VWA3B: variants seen among roughly 807,000 people sequenced by gnomAD.
The protein encoded by VWA3B is von Willebrand factor A domain containing 3B.
A neutral mutation model predicts 158.3 loss-of-function variants in VWA3B; 138 were observed. The observed-to-expected ratio is 0.87, with a 90% confidence interval of 0.76 to 1.00. The LOEUF (loss-of-function observed/expected upper bound fraction) is 1.00. VWA3B is among the 50% of genes least tolerant of loss of function. The pLI, the probability that VWA3B is intolerant of heterozygous loss-of-function variation, is 0.00. For missense variants in VWA3B, 1,555 were observed against 1,565.1 expected (o/e 0.99, Z 0.11); for synonymous variants, 596 against 587.3 (o/e 1.01, Z -0.21).
rs1320888082 is a variant in VWA3B, at chr2:98,212,047, A to G, written c.1836+19A>G. The stretch of plus-strand genomic sequence containing the variant: ...TGATCAGGTACTTACCAGAGCTGGG[A>G]ACAAAGAGGGCCTCACTGATGCTCT... On this transcript the variant is annotated intron_variant, in intron 13 of 27. Transcript: ENST00000477737. 6.2e-7 allele frequency: 1 copy of G among 1,607,946 alleles called. No individual in the cohort carries two copies. Among genetic ancestry groups the G allele is most frequent in the Non-Finnish European group, 8.5e-7 (1 of 1,174,742 alleles).
intron 21 of VWA3B, among the ~76,000 whole-genome samples, chr2:98,270,308 C>T (rs540192386): frequency 6.6e-6 from 1 of 152,172 alleles, no homozygotes; most frequent in Non-Finnish European, 1.5e-5. Flanking sequence ...GCTAGGCATA[C>T]TTGTGTGAAA....
At chr2:98,320,838 A>G in the VWA3B span, among the ~76,000 whole-genome samples, 1 of 152,188 alleles carries the variant, frequency 6.6e-6, no homozygotes, top group Non-Finnish European at 1.5e-5. Flanking sequence ...CTGGGGAGAA[A>G]TTCCAGCCAA....
chr2:98,326,680 C>T, the VWA3B span, among the ~76,000 whole-genome samples: 1 of 152,152 alleles, frequency 6.6e-6, no homozygotes, highest in African/African-American at 2.4e-5. Flanking sequence ...TCACTTGAGC[C>T]CAGAAGGTCG....
intron 22 of VWA3B, among the ~76,000 whole-genome samples, chr2:98,282,088 C>G (rs1688909544): frequency 6.6e-6 from 1 of 152,174 alleles, no homozygotes; most frequent in African/African-American, 2.4e-5. Context: ...TACGGCACCC[C>G]GAAGTCTTTG....
Position 98,312,410 on chromosome 2 carries a change from G to C in VWA3B, c.*61G>C. The C allele has an allele frequency of 6.5e-7, 1 of 1,539,216 alleles. No individual in the cohort carries two copies. Among genetic ancestry groups the C allele is most frequent in the Non-Finnish European group, 8.7e-7 (1 of 1,144,202 alleles). ...GTCCTTCCAGGCTGTTCAGACCTCA[G>C]CGTTGACACTGAAACTGGCCCCTCC... On this transcript the variant is annotated 3_prime_UTR_variant, in exon 28 of 28. Coordinates refer to ENST00000477737, the MANE Select transcript of VWA3B (RefSeq NM_144992.5).
intron 20 of VWA3B, among the ~76,000 whole-genome samples, chr2:98,254,338 A>G (rs1006438504): frequency 7.2e-5 from 11 of 152,092 alleles, no homozygotes; most frequent in Admixed American, 3.3e-4. Context: ...CCTCCACACT[A>G]CACTGCCTCC....
chr2:98,217,833 C>G lies in VWA3B; in HGVS notation c.1837-13C>G, dbSNP rs370752512. On this transcript the variant is annotated splice_polypyrimidine_tract_variant and intron_variant, in intron 13 of 27. Coordinates refer to ENST00000477737, the MANE Select transcript of VWA3B (RefSeq NM_144992.5). ...CATCTCCCTTCCCCCATCCCCAAAA[C>G]TTATCGTTTCAGCCACCTGAAACAG... 6.4e-7 allele frequency: 1 copy of G among 1,564,492 alleles called. No homozygotes were observed. Among genetic ancestry groups the G allele is most frequent in the African/African-American group, 1.4e-5 (1 of 72,376 alleles).
chr2:98,168,376 T>TAC (rs148619678), intron 8 of VWA3B, among the ~76,000 whole-genome samples: 20,103 of 145,272 alleles, frequency 0.14, 1,334 homozygotes, highest in Middle Eastern at 0.2. Flanking sequence ...TACACACACA[T>TAC]ACACACACAC....
At position 98,182,504 on chromosome 2, in the gene VWA3B, T is replaced by G. The variant is rs540464456; in HGVS notation, c.1311+1292T>G. 8.5e-5 allele frequency among the ~76,000 whole-genome samples: 13 copies of G among 152,340 alleles called. No homozygotes were observed. In the East Asian group the frequency reaches 1.9e-3, roughly 23 times the overall value. On this transcript the variant is annotated intron_variant, in intron 9 of 27. Coordinates refer to ENST00000477737, the MANE Select transcript of VWA3B (RefSeq NM_144992.5). ...ACTTGTTTCCTGGCTTACCCTAGGA[T>G]GCAGGGTAATTGCTACAGCGCAGGG...
chr2:98,270,321 T>C (rs1688118454), intron 21 of VWA3B, among the ~76,000 whole-genome samples: 1 of 152,246 alleles, frequency 6.6e-6, no homozygotes, highest in South Asian at 2.1e-4. Flanking sequence ...GTGTGAAATC[T>C]CTTTGAAGCC....
chr2:98,310,025 A>AT (rs1482392905), intron 26 of VWA3B, among the ~76,000 whole-genome samples: 1 of 152,200 alleles, frequency 6.6e-6, no homozygotes, highest in East Asian at 1.9e-4. Context: ...AGACACAGAG[A>AT]TTCGCCAGCC....
the VWA3B span, among the ~76,000 whole-genome samples, chr2:98,324,359 C>T: frequency 9.2e-5 from 14 of 152,222 alleles, no homozygotes; most frequent in East Asian, 1.9e-4. Flanking sequence ...GATGAGGTTT[C>T]GCTGTGTTGG....
intron 19 of VWA3B, among the ~76,000 whole-genome samples, chr2:98,249,218 C>T (rs1686636081): frequency 1.3e-5 from 2 of 151,910 alleles, no homozygotes; most frequent in South Asian, 4.2e-4. Context: ...TGCGTTTATT[C>T]CTTTATCAAC....
the VWA3B span, among the ~76,000 whole-genome samples, chr2:98,330,206 A>T: frequency 6.6e-6 from 1 of 152,186 alleles, no homozygotes; most frequent in Admixed American, 6.5e-5. Context: ...ACATTTGCTT[A>T]CACCCATTTC....
intron 21 of VWA3B, among the ~76,000 whole-genome samples, chr2:98,266,937 A>T (rs1444595635): frequency 1.3e-5 from 2 of 148,740 alleles, no homozygotes; most frequent in Non-Finnish European, 3.0e-5. Context: ...CAGCTTAAGG[A>T]GATTTTGGGC....
At chr2:98,179,284 CTGCTTGTGTGATA>C (rs1277374715) in intron 8 of VWA3B, 4 of 471,170 alleles carry the variant, frequency 8.5e-6, no homozygotes, top group South Asian at 6.2e-5. Flanking sequence ...AAATAGTTTT[CTGCTTGTGTGATA>C]TGCTGGCTTG....
chr2:98,246,031 T>C (rs1456049629), intron 19 of VWA3B, among the ~76,000 whole-genome samples: 1 of 152,168 alleles, frequency 6.6e-6, no homozygotes, highest in Non-Finnish European at 1.5e-5. Context: ...GTTTCTTAAC[T>C]TTCTTTCTCT....
intron 16 of VWA3B, 101 bp from the exon 17 acceptor site, chr2:98,234,547 G>C: frequency 1.3e-6 from 2 of 1,530,978 alleles, no homozygotes; most frequent in African/African-American, 1.4e-5. Flanking sequence ...GGAAACAAAG[G>C]TTGCATTCTT....
intron 22 of VWA3B, among the ~76,000 whole-genome samples, chr2:98,282,141 G>C (rs17428056): frequency 0.18 from 27,582 of 152,190 alleles, 2,732 homozygotes; most frequent in Admixed American, 0.28. Context: ...CTGGAACAAA[G>C]TTGTCAATAT....
Sources: gnomAD v4.1 joint callset for allele counts (sites outside exome capture counted in the v4.1 genomes callset) on GRCh38, gnomAD v4.1.1 for gene constraint, MANE v1.5 for transcripts, NCBI Gene and HGNC (gene_info 2026-07-23, HGNC 2026-07-21) for gene names.